The following PRDM2 variants were observed in gnomAD, a reference collection of about 807,000 sequenced individuals.
PRDM2 encodes PR domain zinc finger protein 2.
A neutral mutation model predicts 130.0 loss-of-function variants in PRDM2; 30 were observed. The ratio of observed to expected loss-of-function variants is 0.23; its 90% CI spans 0.17 to 0.31. PRDM2 has a LOEUF of 0.31. PRDM2 is among the 10% of genes least tolerant of loss of function. The probability of loss-of-function intolerance (pLI) is 1.00; values close to 1 mark genes in which losing one functional copy is unlikely to be tolerated. For missense variants in PRDM2, 2,011 were observed against 2,108.4 expected (o/e 0.95, Z 0.90); for synonymous variants, 871 against 782.4 (o/e 1.11, Z -1.89).
intron 2 of PRDM2, among the ~76,000 whole-genome samples, chr1:13,725,130 T>C (rs918576745): frequency 1.3e-5 from 2 of 152,210 alleles, no homozygotes; most frequent in Non-Finnish European, 2.9e-5. Flanking sequence ...GTTTACCATA[T>C]TGGAAATTAT....
chr1:13,764,504 T>G (rs1264201060), intron 6 of PRDM2, among the ~76,000 whole-genome samples: 2 of 152,276 alleles, frequency 1.3e-5, no homozygotes, highest in Non-Finnish European at 2.9e-5. Context: ...ATCTTGAATT[T>G]GGTGAAGTTT....
chr1:13,754,281 G>C (rs1383784417), intron 6 of PRDM2, among the ~76,000 whole-genome samples: 1 of 152,114 alleles, frequency 6.6e-6, no homozygotes, highest in Non-Finnish European at 1.5e-5. Flanking sequence ...GTTGGTTGGT[G>C]GGGGAGATGA....
intron 8 of PRDM2, chr1:13,787,645 A>G: frequency 5.2e-6 from 5 of 966,496 alleles, no homozygotes; most frequent in Non-Finnish European, 6.2e-6. Context: ...TAAAAATAAA[A>G]TATTTAAAAT....
intron 5 of PRDM2, among the ~76,000 whole-genome samples, chr1:13,748,757 G>T (rs1643694826): frequency 6.6e-6 from 1 of 152,212 alleles, no homozygotes; most frequent in African/African-American, 2.4e-5. Context: ...AAGTTAAAAT[G>T]TGGAAGTTTG....
chr1:13,766,786 A>G lies in PRDM2; in HGVS notation c.512-6292A>G, dbSNP rs533477390. ...TCCCCAGTGAGGAGGCAGCACATCT[A>G]GAGTTACATATAGTTTTAAATTTAA... On this transcript the variant is annotated intron_variant, in intron 6 of 9. Transcript: ENST00000311066. Among the ~76,000 whole-genome samples the G allele has an allele frequency of 7.9e-5, 12 of 152,322 alleles. No homozygotes were observed. In the East Asian group the frequency reaches 2.3e-3, roughly 30 times the overall value.
chr1:13,805,949 TTTCCCTCCACCC>T (rs905116403), intron 8 of PRDM2, among the ~76,000 whole-genome samples: 7 of 152,046 alleles, frequency 4.6e-5, no homozygotes, highest in Non-Finnish European at 7.4e-5. Flanking sequence ...CCCAAACTCC[TTTCCCTCCACCC>T]TTCTTGAAGC....
chr1:13,736,116 T>C (rs1643264392), intron 4 of PRDM2, among the ~76,000 whole-genome samples: 1 of 145,882 alleles, frequency 6.9e-6, no homozygotes, highest in Non-Finnish European at 1.5e-5. Context: ...TTTCTTTTCT[T>C]TTTTTTTTTT....
intron 2 of PRDM2, among the ~76,000 whole-genome samples, chr1:13,727,262 C>T (rs1192820112): frequency 1.3e-5 from 2 of 152,076 alleles, no homozygotes; most frequent in Non-Finnish European, 2.9e-5. Flanking sequence ...TACTCCATGA[C>T]TGTGTTCCTT....
At chr1:13,728,939 C>T (rs768871280) in intron 2 of PRDM2, among the ~76,000 whole-genome samples, 4 of 152,124 alleles carry the variant, frequency 2.6e-5, no homozygotes, top group Admixed American at 2.6e-4. Context: ...CCATGGAAAT[C>T]TGGAAGTTTT....
In PRDM2 at chr1:13,722,691, C is replaced by T. The variant is rs1235844267; in HGVS notation, c.9+7077C>T. 2.6e-5 allele frequency among the ~76,000 whole-genome samples: 4 copies of T among 152,080 alleles called. No homozygotes were observed. In the East Asian group the frequency reaches 7.7e-4, roughly 29 times the overall value. On this transcript the variant is annotated intron_variant, in intron 2 of 9. Transcript: ENST00000311066. ...TGCTTACCAATCCCCTGTCCCCACC[C>T]TCACCCATTCCCATTCTGTATTAGA...
chr1:13,711,008 C>A (rs939923967), intron 1 of PRDM2, among the ~76,000 whole-genome samples: 2 of 151,816 alleles, frequency 1.3e-5, no homozygotes, highest in Non-Finnish European at 2.9e-5. Flanking sequence ...TGGCCTGAAC[C>A]CGGGAGGTGG....
chr1:13,820,485 C>T (rs1645331393), intron 9 of PRDM2, among the ~76,000 whole-genome samples: 2 of 152,360 alleles, frequency 1.3e-5, no homozygotes, highest in African/African-American at 2.4e-5. Context: ...CCTGTCTTCA[C>T]CCCGTGTCTT....
At chr1:13,720,376 G>T (rs574441770) in intron 2 of PRDM2, among the ~76,000 whole-genome samples, 1 of 152,234 alleles carries the variant, frequency 6.6e-6, no homozygotes, top group East Asian at 1.9e-4. Flanking sequence ...GAGAGTGGAG[G>T]AGGTTGGTTC....
At chr1:13,773,033 AT>A in intron 6 of PRDM2, 44 bp from the exon 7 acceptor site, 1 of 1,140,118 alleles carries the variant, frequency 8.8e-7, no homozygotes, top group Non-Finnish European at 1.2e-6. Context: ...GAATGAATAA[AT>A]AAAAAAAAAA....
At chr1:13,738,144 A>C (rs1557609670) in intron 4 of PRDM2, among the ~76,000 whole-genome samples, 1 of 152,216 alleles carries the variant, frequency 6.6e-6, no homozygotes, top group Non-Finnish European at 1.5e-5. Flanking sequence ...TTTTAAAAAT[A>C]ATATTGTTAG....
intron 6 of PRDM2, among the ~76,000 whole-genome samples, chr1:13,750,360 C>A (rs901769857): frequency 6.6e-6 from 1 of 150,988 alleles, no homozygotes; most frequent in Non-Finnish European, 1.5e-5. Context: ...CTTATTGATA[C>A]AAATACAGGT....
intron 8 of PRDM2, among the ~76,000 whole-genome samples, chr1:13,810,855 A>G (rs1229949874): frequency 6.6e-6 from 1 of 151,742 alleles, no homozygotes. Flanking sequence ...CCAGGCATGA[A>G]TTTTAGTGCC....
At chr1:13,772,558 C>A (rs777937082) in intron 6 of PRDM2, among the ~76,000 whole-genome samples, 1 of 152,154 alleles carries the variant, frequency 6.6e-6, no homozygotes, top group Non-Finnish European at 1.5e-5. Context: ...GTATTTGAGC[C>A]ATTGTGAATG....
At chr1:13,786,716 G>T (rs916646128) in intron 8 of PRDM2, 2 of 1,436,632 alleles carry the variant, frequency 1.4e-6, no homozygotes, top group East Asian at 2.5e-5. Context: ...TTCGGTGGGG[G>T]CCCAACGCGC....
Sources: allele counts gnomAD v4.1 joint callset (sites outside exome capture counted in the v4.1 genomes callset), GRCh38; gene constraint gnomAD v4.1.1; transcripts MANE v1.5; gene names NCBI Gene and HGNC (gene_info 2026-07-23, HGNC 2026-07-21).